ZFAND3: variants seen among roughly 807,000 people sequenced by gnomAD.
ZFAND3 encodes the protein zinc finger AN1-type containing 3, also known as AN1-type zinc finger protein 3.
A neutral mutation model predicts 29.6 loss-of-function variants in ZFAND3; 10 were observed. The observed-to-expected ratio is 0.34, with a 90% confidence interval of 0.21 to 0.57. The LOEUF (loss-of-function observed/expected upper bound fraction) is 0.57, where lower values mean the gene tolerates loss of function less well. ZFAND3 is among the 20% of genes least tolerant of loss of function. The pLI, the probability that ZFAND3 is intolerant of heterozygous loss-of-function variation, is 0.86. For synonymous variants in ZFAND3, 128 were observed against 112.6 expected, an observed-to-expected ratio of 1.14 and a Z score of -0.87; for missense variants, 230 against 304.5, an observed-to-expected ratio of 0.76 and a Z score of 1.82.
At chr6:37,877,929 A>T (rs960903354) in intron 1 of ZFAND3, among the ~76,000 whole-genome samples, 1 of 152,228 alleles carries the variant, frequency 6.6e-6, no homozygotes, top group African/African-American at 2.4e-5. Context: ...GACTTACACA[A>T]TGCAAAAAGA....
chr6:38,007,783 T>C (rs908667783), intron 2 of ZFAND3, among the ~76,000 whole-genome samples: 14 of 152,192 alleles, frequency 9.2e-5, no homozygotes, highest in Admixed American at 7.9e-4. Context: ...TTTGGAAAAT[T>C]TGAACACAAC....
At chr6:37,969,025 A>G (rs1033842403) in intron 2 of ZFAND3, among the ~76,000 whole-genome samples, 1 of 152,202 alleles carries the variant, frequency 6.6e-6, no homozygotes, top group Non-Finnish European at 1.5e-5. Context: ...AGCCTACTAC[A>G]CACCTAGGCT....
intron 2 of ZFAND3, among the ~76,000 whole-genome samples, chr6:37,956,961 G>A (rs904846416): frequency 1.3e-5 from 2 of 152,250 alleles, no homozygotes; most frequent in African/African-American, 2.4e-5. Context: ...TTACTTGGAG[G>A]TCTAAGCCTG....
chr6:37,942,169 A>G (rs773972225), intron 2 of ZFAND3, among the ~76,000 whole-genome samples: 48 of 152,290 alleles, frequency 3.2e-4, no homozygotes, highest in Middle Eastern at 3.4e-3. Flanking sequence ...TAAATAAAAC[A>G]TGGCACCTCT....
chr6:38,021,376 A>T (rs920172552), intron 2 of ZFAND3, among the ~76,000 whole-genome samples: 1 of 152,234 alleles, frequency 6.6e-6, no homozygotes, highest in African/African-American at 2.4e-5. Flanking sequence ...TATGCTATTC[A>T]TAGCTACATG....
chr6:38,133,572 A>C (rs1356654021), intron 5 of ZFAND3, among the ~76,000 whole-genome samples: 1 of 152,072 alleles, frequency 6.6e-6, no homozygotes, highest in Non-Finnish European at 1.5e-5. Flanking sequence ...ACATGGTGAA[A>C]CCCTGTCTCT....
intron 2 of ZFAND3, among the ~76,000 whole-genome samples, chr6:38,048,393 G>T (rs566269195): frequency 2.6e-5 from 4 of 151,750 alleles, no homozygotes; most frequent in African/African-American, 9.7e-5. Context: ...AGGCCGAGCC[G>T]GGCAGATCAC....
At chr6:37,974,154 C>G (rs374056510) in intron 2 of ZFAND3, among the ~76,000 whole-genome samples, 39 of 152,160 alleles carry the variant, frequency 2.6e-4, no homozygotes, top group Admixed American at 9.8e-4. Context: ...TGCCTCTCCC[C>G]TAGGTTCAAG....
chr6:38,049,968 TGGGG>T (rs767412841), intron 2 of ZFAND3, among the ~76,000 whole-genome samples: 1 of 40,578 alleles, frequency 2.5e-5, no homozygotes, highest in Non-Finnish European at 4.5e-5. Flanking sequence ...TTTTTTTTTT[TGGGG>T]GAGACAGAGT....
At chr6:38,150,981 G>C (rs1442854484) in intron 5 of ZFAND3, among the ~76,000 whole-genome samples, 1 of 152,182 alleles carries the variant, frequency 6.6e-6, no homozygotes, top group Non-Finnish European at 1.5e-5. Flanking sequence ...AGAAGGTGAT[G>C]AGGAGCCAGC....
chr6:37,887,562 C>T (rs1765018238), intron 1 of ZFAND3, among the ~76,000 whole-genome samples: 1 of 152,144 alleles, frequency 6.6e-6, no homozygotes, highest in African/African-American at 2.4e-5. Flanking sequence ...TGGGAAGAAT[C>T]TTATCTAGGC....
chr6:38,055,481 A>T (rs891225769), intron 2 of ZFAND3, among the ~76,000 whole-genome samples: 4 of 152,190 alleles, frequency 2.6e-5, no homozygotes. Flanking sequence ...AGCATTTGTT[A>T]AGGAGGGAGC....
At chr6:38,095,602 C>G (rs965897557) in intron 4 of ZFAND3, among the ~76,000 whole-genome samples, 1 of 152,154 alleles carries the variant, frequency 6.6e-6, no homozygotes, top group African/African-American at 2.4e-5. Context: ...ACTGCTCAAG[C>G]TTTTATTCTC....
intron 5 of ZFAND3, among the ~76,000 whole-genome samples, chr6:38,151,132 G>A (rs553730167): frequency 2.0e-5 from 3 of 152,218 alleles, no homozygotes; most frequent in Non-Finnish European, 4.4e-5. Context: ...GGAAGCTGGA[G>A]GGAATGGGAG....
At chr6:38,127,646 CG>C (rs1562009571) in intron 5 of ZFAND3, among the ~76,000 whole-genome samples, 65 of 151,216 alleles carry the variant, frequency 4.3e-4, no homozygotes, top group African/African-American at 1.5e-3. Context: ...AATAGAATCA[CG>C]TACCACCAGA....
At chr6:38,082,725 A>T (rs1266918656) in intron 4 of ZFAND3, among the ~76,000 whole-genome samples, 1 of 152,200 alleles carries the variant, frequency 6.6e-6, no homozygotes, top group Non-Finnish European at 1.5e-5. Flanking sequence ...CGTTATTAAG[A>T]CACAACAGAA....
chr6:37,976,991 CT>C (rs1453828809), intron 2 of ZFAND3, among the ~76,000 whole-genome samples: 2 of 152,166 alleles, frequency 1.3e-5, no homozygotes, highest in African/African-American at 4.8e-5. Flanking sequence ...TTTCTCTCCA[CT>C]TTAGATACCT....
intron 2 of ZFAND3, among the ~76,000 whole-genome samples, chr6:37,952,707 T>G (rs551133873): frequency 5.9e-5 from 9 of 152,098 alleles, no homozygotes; most frequent in Non-Finnish European, 1.3e-4. Context: ...ATAGTGAGAG[T>G]GGGCTACTTC....
At chr6:38,038,906 C>A (rs1487088831) in intron 2 of ZFAND3, among the ~76,000 whole-genome samples, 1 of 152,198 alleles carries the variant, frequency 6.6e-6, no homozygotes, top group Non-Finnish European at 1.5e-5. Context: ...AAACCTGGTT[C>A]ATTTGAAGCT....
Sources: allele counts gnomAD v4.1 joint callset (sites outside exome capture counted in the v4.1 genomes callset), GRCh38; gene constraint gnomAD v4.1.1; transcripts MANE v1.5; gene names NCBI Gene and HGNC (gene_info 2026-07-23, HGNC 2026-07-21).